VPS33B: variants seen among roughly 807,000 people sequenced by gnomAD.
VPS33B encodes vacuolar protein sorting-associated protein 33B.
VPS33B carries 80 observed loss-of-function variants against 95.3 expected under a neutral mutation model. The observed-to-expected ratio is 0.84, with a 90% CI of 0.70 to 1.01. The LOEUF (loss-of-function observed/expected upper bound fraction) is 1.01. Among genes scored for constraint, VPS33B ranks in the 50% least tolerant of loss-of-function variants. The probability of loss-of-function intolerance (pLI) is 0.00; values close to 1 mark genes in which losing one functional copy is unlikely to be tolerated. For synonymous variants in VPS33B, 280 were observed against 280.4 expected (o/e 1.00, Z 0.01); for missense variants, 715 against 773.4 (o/e 0.92, Z 0.90).
chr15:91,004,545 T>C (rs1294021151), intron 16 of VPS33B, among the ~76,000 whole-genome samples: 2 of 152,274 alleles, frequency 1.3e-5, no homozygotes, highest in South Asian at 2.1e-4. Flanking sequence ...TGAAATTAAC[T>C]TGCTGTCCCT....
rs1272281030 is a variant in VPS33B, at chr15:91,017,365, T to TA, written c.178-342dup. 5.4e-3 allele frequency among the ~76,000 whole-genome samples: 91 copies of TA among 16,998 alleles called. 16 individuals are homozygous for TA. The highest frequency in any genetic ancestry group is 0.026 in the African/African-American group (60 of 2,314). 11.2% of individuals were successfully genotyped at this position (16,998 alleles called of 152,430 possible). On this transcript the variant is annotated intron_variant, in intron 2 of 22. Transcript: ENST00000333371. ...TAACAAGACTCCATCTCTACAAAAT[T>TA]AAATATATATATATATATATATATA...
intron 1 of VPS33B, among the ~76,000 whole-genome samples, chr15:91,019,593 C>T (rs1011178623): frequency 6.6e-6 from 1 of 151,982 alleles, no homozygotes; most frequent in Non-Finnish European, 1.5e-5. Flanking sequence ...CTCTAATTAA[C>T]AGGGAAAAAT....
Position 91,002,745 on chromosome 15 carries a change from G to T in VPS33B, c.1272+340C>A, listed in dbSNP as rs566004131. ...GTATGGGAAAGGCTTCCTGGATGAA[G>T]TAAGACTTGAGAAGTACCAGGAAGG... On this transcript the variant is annotated intron_variant, in intron 17 of 22. Transcript: ENST00000333371. The surrounding 1 kb of genome is among the most constrained non-coding windows in gnomAD (Gnocchi z 4.7). Among the ~76,000 whole-genome samples, 81 of 152,244 alleles carry T rather than the reference G, an allele frequency of 5.3e-4. No homozygotes were observed. The highest frequency in any genetic ancestry group is 6.8e-3 in the Middle Eastern group (2 of 294).
Position 90,998,741 on chromosome 15 carries a change from C to G in VPS33B, c.*234G>C, listed in dbSNP as rs1404075270. On this transcript the variant is annotated 3_prime_UTR_variant, in exon 23 of 23. Transcript: ENST00000333371. This position sits in a 1 kb window ranked among gnomAD's most constrained non-coding sequence, Gnocchi z 4.8. ...AGGATTTAGCAAAGGATGCCTCTTC[C>G]TGCTCGCATCTTAGCAGCATGGGTT... 6 of 598,456 alleles carry G rather than the reference C, an allele frequency of 1.0e-5. No individual in the cohort carries two copies. In the East Asian group the frequency reaches 1.7e-4, roughly 17 times the overall value. 37.1% of individuals were successfully genotyped at this position (598,456 alleles called of 1,614,324 possible).
chr15:91,017,607 A>G (rs2040979274), intron 2 of VPS33B, among the ~76,000 whole-genome samples, 198 bp downstream of exon 2: 1 of 151,396 alleles, frequency 6.6e-6, no homozygotes, highest in Non-Finnish European at 1.5e-5. Flanking sequence ...CAGCCTGGGC[A>G]ACAGAGAGAG....
At chr15:91,003,361 G>T (rs2040498684) in intron 16 of VPS33B, among the ~76,000 whole-genome samples, 1 of 152,212 alleles carries the variant, frequency 6.6e-6, no homozygotes, top group Non-Finnish European at 1.5e-5. Flanking sequence ...CTGAGGAGGG[G>T]ACACTGGAAC....
chr15:91,003,948 G>T (rs1395344516), intron 16 of VPS33B, among the ~76,000 whole-genome samples: 5 of 152,096 alleles, frequency 3.3e-5, no homozygotes, highest in Non-Finnish European at 7.4e-5. Context: ...CTTTGGCCGG[G>T]CACAGTAGCT....
In VPS33B at chr15:91,005,438, T is replaced by G; in HGVS notation, c.1047A>C (p.Glu349Asp). ...RLLSLHIGAC[E>D]SIMKKKTKQD... ...GCTTGGTTTTCTTCTTCATGATGGA[T>G]TCACAGGCCCCAATATCTGCAGGTT... The change falls in exon 14 of 23, where the codon GAA becomes GAC. Residue 349 changes from glutamate (E) to aspartate (D), a missense_variant. Coordinates refer to ENST00000333371, the MANE Select transcript of VPS33B (RefSeq NM_018668.5). The surrounding 1 kb of genome is among the most constrained non-coding windows in gnomAD (Gnocchi z 6.4). 6.2e-7 allele frequency: 1 copy of G among 1,614,040 alleles called. No homozygotes were observed. The highest frequency in any genetic ancestry group is 8.5e-7 in the Non-Finnish European group (1 of 1,180,000).
Position 90,999,170 on chromosome 15 carries a change from C to G in VPS33B, c.1775-116G>C. ...CGGGATCACAGCACCAGTTTATAGA[C>G]AGAGACGTGAGTGCCATGCTCTTGG... On this transcript the variant is annotated intron_variant, in intron 22 of 22. Coordinates refer to ENST00000333371, the MANE Select transcript of VPS33B (RefSeq NM_018668.5). The surrounding 1 kb of genome is among the most constrained non-coding windows in gnomAD (Gnocchi z 5.1). 1.1e-6 allele frequency: 1 copy of G among 939,536 alleles called. No individual in the cohort carries two copies. Among genetic ancestry groups the G allele is most frequent in the Non-Finnish European group, 1.7e-6 (1 of 590,146 alleles). 58.2% of individuals were successfully genotyped at this position (939,536 alleles called of 1,614,324 possible).
In VPS33B at chr15:91,006,054, A is replaced by G; in HGVS notation, c.858T>C (p.Phe286=). ...KVLLNAEDKV[F]NEIRNEHFSN... ...AGAAGTGCTCGTTCCGAATCTCATT[A>G]AACACCTGTGAGGACAGTAAGACAA... Residue 286 remains phenylalanine, a synonymous_variant, in exon 12 of 23, where the codon TTT becomes TTC. Coordinates refer to ENST00000333371, the MANE Select transcript of VPS33B (RefSeq NM_018668.5). This position sits in a 1 kb window ranked among gnomAD's most constrained non-coding sequence, Gnocchi z 5.4. 1 of 1,614,196 alleles carries G rather than the reference A, an allele frequency of 6.2e-7. No individual in the cohort carries two copies. Among genetic ancestry groups the G allele is most frequent in the Non-Finnish European group, 8.5e-7 (1 of 1,180,028 alleles).
Position 91,017,882 on chromosome 15 carries a change from G to C in VPS33B, c.100C>G (p.Pro34Ala). The change falls in exon 2 of 23, where the codon CCT becomes GCT. Residue 34 changes from proline to alanine, a missense_variant. Pro to Ala is a conservative substitution (Grantham distance 27). Transcript: ENST00000333371. ...DQLIYLLEQL[P>A]GKKDLFIEAD... ...TCAATGAATAAATCCTTTTTTCCAG[G>C]AAGCTGAAGGAGACACAATATGTTG... 1.2e-6 allele frequency: 2 copies of C among 1,614,028 alleles called. No homozygotes were observed. The highest frequency in any genetic ancestry group is 1.7e-6 in the Non-Finnish European group (2 of 1,179,948).
intron 5 of VPS33B, among the ~76,000 whole-genome samples, chr15:91,012,494 G>T (rs1481817680): frequency 1.3e-5 from 2 of 152,236 alleles, no homozygotes; most frequent in Non-Finnish European, 2.9e-5. Flanking sequence ...AGGTAATAAG[G>T]CCTCAAGGGT....
In VPS33B at chr15:91,005,684, T is replaced by C. The variant is rs775600420; in HGVS notation, c.1030+10A>G. ...TCACTTCCCCTCACGCCCCTCAAGC[T>C]GAAACCTACGGAGACTCAGCAGGCG... On this transcript the variant is annotated intron_variant, in intron 13 of 22. Coordinates refer to ENST00000333371, the MANE Select transcript of VPS33B (RefSeq NM_018668.5). This position sits in a 1 kb window ranked among gnomAD's most constrained non-coding sequence, Gnocchi z 6.4. 10 of 1,614,140 alleles carry C rather than the reference T, an allele frequency of 6.2e-6. No individual in the cohort carries two copies. Among genetic ancestry groups the C allele is most frequent in the Non-Finnish European group, 8.5e-6 (10 of 1,180,012 alleles).
rs911181786 is a variant in VPS33B, at chr15:91,016,938, G to C, written c.239+25C>G. The C allele has an allele frequency of 4.3e-6, 7 of 1,613,224 alleles. No individual in the cohort carries two copies. The African/African-American group carries it at 6.7e-5, about 15-fold the overall frequency. On this transcript the variant is annotated intron_variant, in intron 3 of 22. Coordinates refer to ENST00000333371, the MANE Select transcript of VPS33B (RefSeq NM_018668.5). ...TAGGGACCTCTTCCAGCTTGGAGTA[G>C]GGACAGACTCTCCCAGACACTCACT...
chr15:91,003,945 C>T (rs1015841199), intron 16 of VPS33B, among the ~76,000 whole-genome samples: 3 of 152,118 alleles, frequency 2.0e-5, no homozygotes, highest in Non-Finnish European at 2.9e-5. Context: ...AACCTTTGGC[C>T]GGGCACAGTA....
rs1359158192 is a variant in VPS33B, at chr15:91,007,995, C to A, written c.404-31G>T. 5.0e-6 allele frequency: 8 copies of A among 1,606,430 alleles called. No individual in the cohort carries two copies. In the East Asian group the frequency reaches 1.8e-4, roughly 36 times the overall value. On this transcript the variant is annotated intron_variant, in intron 6 of 22. Transcript: ENST00000333371. The surrounding 1 kb of genome is among the most constrained non-coding windows in gnomAD (Gnocchi z 5.3). ...GGGACAGAGAGCATCAGCCTCCCTG[C>A]AGAAGGTACTTAGCTCCACGTTAAG...
In VPS33B at chr15:91,005,416, T is replaced by G; in HGVS notation, c.1069A>C (p.Lys357Gln). The change falls in exon 14 of 23, where the codon AAG (lysine) becomes CAG (glutamine). Residue 357 changes from lysine to glutamine, a missense_variant. Coordinates refer to ENST00000333371, the MANE Select transcript of VPS33B (RefSeq NM_018668.5). The surrounding 1 kb of genome is among the most constrained non-coding windows in gnomAD (Gnocchi z 6.4). ...TTGATTAGCTCCTGGAAATCCTGCT[T>G]GGTTTTCTTCTTCATGATGGATTCA... is the stretch of plus-strand genomic sequence containing the variant. ...ACESIMKKKT[K>Q]QDFQELIKTE... is the part of the protein sequence containing the mutation. The G allele has an allele frequency of 6.2e-7, 1 of 1,614,140 alleles. No individual in the cohort carries two copies. Among genetic ancestry groups the G allele is most frequent in the Non-Finnish European group, 8.5e-7 (1 of 1,180,026 alleles).
rs1006868674 is a variant in VPS33B, at chr15:91,010,946, C to G, written c.358-1100G>C. Among the ~76,000 whole-genome samples the G allele has an allele frequency of 6.6e-6, 1 of 152,202 alleles. No individual in the cohort carries two copies. Among genetic ancestry groups the G allele is most frequent in the Non-Finnish European group, 1.5e-5 (1 of 68,044 alleles). On this transcript the variant is annotated intron_variant, in intron 5 of 22. Transcript: ENST00000333371. The surrounding 1 kb of genome is among the most constrained non-coding windows in gnomAD (Gnocchi z 5.7). ...GGAAGCAGAAGCAGTGACAATAGAA[C>G]ATTCTTCACAGAAGCCTGGCCCTGA...
At chr15:91,008,745 A>G (rs186679056) in intron 6 of VPS33B, among the ~76,000 whole-genome samples, 6 of 152,348 alleles carry the variant, frequency 3.9e-5, no homozygotes, top group Admixed American at 6.5e-5. Flanking sequence ...GTTGTGCTCC[A>G]AAGAGGTCAA....
Sources: gnomAD v4.1 joint callset for allele counts (sites outside exome capture counted in the v4.1 genomes callset) on GRCh38, gnomAD v4.1.1 for gene constraint, Gnocchi (gnomAD v3.1) non-coding constraint, MANE v1.5 for transcripts, NCBI Gene and HGNC (gene_info 2026-07-23, HGNC 2026-07-21) for gene names.